MEIS2: variants seen among roughly 807,000 people sequenced by gnomAD.
The protein encoded by MEIS2 is Meis homeobox 2.
In MEIS2, 9 loss-of-function variants were observed where a neutral mutation model predicts 58.6. That is an observed-to-expected ratio of 0.15 (90% confidence interval 0.09 to 0.27). The LOEUF is 0.27. Ranked by LOEUF, MEIS2 falls within the 10% of genes least tolerant of loss-of-function variation. The probability of loss-of-function intolerance (pLI) is 1.00; values close to 1 mark genes in which losing one functional copy is unlikely to be tolerated. For synonymous variants in MEIS2, 221 were observed against 228.4 expected, an observed-to-expected ratio of 0.97 and a Z score of 0.29; for missense variants, 427 against 635.0, an observed-to-expected ratio of 0.67 and a Z score of 3.52.
chr15:36,937,870 T>C (rs1158844291), intron 9 of MEIS2, among the ~76,000 whole-genome samples: 1 of 152,212 alleles, frequency 6.6e-6, no homozygotes, highest in Non-Finnish European at 1.5e-5. Flanking sequence ...TCAAAATTTT[T>C]ATGACACAAA....
intron 8 of MEIS2, among the ~76,000 whole-genome samples, chr15:36,954,117 A>T (rs992767596): frequency 1.3e-5 from 2 of 152,178 alleles, no homozygotes; most frequent in African/African-American, 4.8e-5. Context: ...TAGTATCTGG[A>T]AGGCTAAAAA....
chr15:36,951,675 CT>C (rs1341836036), intron 8 of MEIS2, among the ~76,000 whole-genome samples: 1 of 152,108 alleles, frequency 6.6e-6, no homozygotes, highest in African/African-American at 2.4e-5. Context: ...AGAAGCCAGG[CT>C]TTTAATATTC....
At chr15:37,068,751 T>A (rs1413173781) in intron 7 of MEIS2, among the ~76,000 whole-genome samples, 1 of 152,228 alleles carries the variant, frequency 6.6e-6, no homozygotes, top group Non-Finnish European at 1.5e-5. Flanking sequence ...CTTTTTTTTT[T>A]AGGAGTTACC....
At chr15:36,997,791 T>G (rs373077285) in intron 8 of MEIS2, among the ~76,000 whole-genome samples, 115 of 152,330 alleles carry the variant, frequency 7.5e-4, no homozygotes, top group African/African-American at 2.7e-3. Flanking sequence ...TTGATTTCTC[T>G]CTTTACCACA....
At chr15:37,071,041 A>T (rs1333375321) in intron 7 of MEIS2, among the ~76,000 whole-genome samples, 1 of 152,064 alleles carries the variant, frequency 6.6e-6, no homozygotes, top group Non-Finnish European at 1.5e-5. Context: ...CACTACCCCC[A>T]TTCAAAATTG....
chr15:37,006,446 G>A (rs2060926682), intron 8 of MEIS2, among the ~76,000 whole-genome samples: 1 of 152,060 alleles, frequency 6.6e-6, no homozygotes, highest in Non-Finnish European at 1.5e-5. Context: ...CACTTTCAGG[G>A]GTGTGACCTT....
chr15:36,942,233 C>T (rs1699548345), intron 9 of MEIS2, among the ~76,000 whole-genome samples: 1 of 152,198 alleles, frequency 6.6e-6, no homozygotes, highest in Admixed American at 6.5e-5. Flanking sequence ...CAAAACAAAA[C>T]TGGAAACAAG....
Position 36,907,032 on chromosome 15 carries a change from C to T in MEIS2, c.978-10346G>A, listed in dbSNP as rs138759108. 6.7e-4 allele frequency among the ~76,000 whole-genome samples: 102 copies of T among 152,218 alleles called. 1 individual carries two copies. The Middle Eastern group carries it at 0.01, about 15-fold the overall frequency. ...ACACTGGGTGTTGCTACACAAATTA[C>T]GTTCCACTCCTTACTTAACGAAAGT... On this transcript the variant is annotated intron_variant, in intron 9 of 11. Coordinates refer to ENST00000561208, the MANE Select transcript of MEIS2 (RefSeq NM_170675.5).
intron 9 of MEIS2, among the ~76,000 whole-genome samples, chr15:36,915,276 A>G (rs572850014): frequency 6.6e-6 from 1 of 151,478 alleles, no homozygotes; most frequent in African/African-American, 2.4e-5. Context: ...TTCCCTCAGG[A>G]TGCTGGCTTG....
intron 9 of MEIS2, among the ~76,000 whole-genome samples, chr15:36,908,368 A>G (rs532025912): frequency 5.3e-5 from 8 of 152,320 alleles, no homozygotes; most frequent in African/African-American, 1.9e-4. Context: ...CATCTGCTTT[A>G]GTCCTTAAAT....
rs959953694 is a variant in MEIS2 at position 36,965,132 on chromosome 15, T to C, written c.901-14732A>G. Among the ~76,000 whole-genome samples, 10 of 152,178 alleles carry C rather than the reference T, an allele frequency of 6.6e-5. No homozygotes were observed. The East Asian group carries it at 1.9e-3, about 29-fold the overall frequency. Reference sequence around the variant, plus strand: ...TCAATTTCTTTCCCTATGTTGAAAATCCATGAGGCTAACTACTTCCTAGGA... The same window carrying C: ...TCAATTTCTTTCCCTATGTTGAAAACCCATGAGGCTAACTACTTCCTAGGA... On this transcript the variant is annotated intron_variant, in intron 8 of 11. Transcript: ENST00000561208.
intron 9 of MEIS2, among the ~76,000 whole-genome samples, chr15:36,907,817 GA>G (rs2056814505): frequency 6.6e-6 from 1 of 151,564 alleles, no homozygotes. Context: ...GTAATATTAA[GA>G]AAAAGATCCA....
intron 9 of MEIS2, among the ~76,000 whole-genome samples, chr15:36,940,080 G>A (rs2058321162): frequency 6.6e-6 from 1 of 152,190 alleles, no homozygotes; most frequent in Non-Finnish European, 1.5e-5. Context: ...GGAGCTACAA[G>A]TACTGGTTGC....
intron 8 of MEIS2, among the ~76,000 whole-genome samples, chr15:37,036,188 G>A (rs1053260197): frequency 1.3e-5 from 2 of 152,164 alleles, no homozygotes; most frequent in African/African-American, 4.8e-5. Flanking sequence ...ACCGTTTCCA[G>A]AAGTGAACAT....
At chr15:37,014,906 T>C (rs2141649604) in intron 8 of MEIS2, among the ~76,000 whole-genome samples, 1 of 151,894 alleles carries the variant, frequency 6.6e-6, no homozygotes, top group Non-Finnish European at 1.5e-5. Flanking sequence ...CCTGAACAGA[T>C]TGGGATAAAA....
At chr15:37,068,440 T>C (rs1666075445) in intron 7 of MEIS2, among the ~76,000 whole-genome samples, 1 of 152,192 alleles carries the variant, frequency 6.6e-6, no homozygotes, top group South Asian at 2.1e-4. Flanking sequence ...CGAAACCCTA[T>C]GTCAATGCTA....
At chr15:37,022,460 G>A (rs113542276) in intron 8 of MEIS2, among the ~76,000 whole-genome samples, 33 of 152,142 alleles carry the variant, frequency 2.2e-4, no homozygotes, top group African/African-American at 7.7e-4. Context: ...TGTTCCCCAG[G>A]CTGGTCTTGA....
At chr15:36,892,528 A>ATT in intron 11 of MEIS2, 69 bp from the exon 12 acceptor site, 1 of 970,232 alleles carries the variant, frequency 1.0e-6, no homozygotes, top group Non-Finnish European at 1.5e-6. Flanking sequence ...CCCATCAAAG[A>ATT]TGAAAAGAAA....
intron 8 of MEIS2, among the ~76,000 whole-genome samples, chr15:36,998,246 T>G (rs1045707747): frequency 3.6e-4 from 53 of 145,774 alleles, no homozygotes; most frequent in Admixed American, 4.1e-4. Flanking sequence ...GTTTTTTTTT[T>G]TTTTTTTTTT....
Sources: gnomAD v4.1 joint callset for allele counts (sites outside exome capture counted in the v4.1 genomes callset) on GRCh38, gnomAD v4.1.1 for gene constraint, MANE v1.5 for transcripts, NCBI Gene and HGNC (gene_info 2026-07-23, HGNC 2026-07-21) for gene names.